The following EDN1 variants were observed in gnomAD, a reference collection of about 807,000 sequenced individuals.
EDN1 encodes the protein endothelin-1.
EDN1 carries 11 observed loss-of-function variants against 21.7 expected under a neutral mutation model. The observed-to-expected ratio is 0.51, with a 90% CI of 0.32 to 0.84. The LOEUF (loss-of-function observed/expected upper bound fraction) is 0.84, where lower values mean the gene tolerates loss of function less well. EDN1 is among the 40% of genes least tolerant of loss of function. The pLI is 0.03. For missense variants in EDN1, 244 were observed against 262.3 expected (o/e 0.93, Z 0.48); for synonymous variants, 85 against 90.6 (o/e 0.94, Z 0.35).
intron 4 of EDN1, among the ~76,000 whole-genome samples, chr6:12,295,223 A>C (rs957290247): frequency 2.6e-5 from 4 of 152,202 alleles, no homozygotes; most frequent in Non-Finnish European, 4.4e-5. Flanking sequence ...TTCTATGATT[A>C]AAGTGTTCTG....
At chr6:12,278,461 G>C in the EDN1 span, among the ~76,000 whole-genome samples, 3,050 of 152,134 alleles carry the variant, frequency 0.02, 96 homozygotes, top group African/African-American at 0.07. Context: ...CCATCCTGAG[G>C]GTCCTTGAGG....
chr6:12,288,258 G>A (rs949759189), upstream of EDN1, among the ~76,000 whole-genome samples: 3 of 152,150 alleles, frequency 2.0e-5, no homozygotes, highest in African/African-American at 4.8e-5. Flanking sequence ...AAAAAGTAGG[G>A]GGAGTCCCTG....
chr6:12,238,460 G>A, the EDN1 span, among the ~76,000 whole-genome samples: 8 of 152,324 alleles, frequency 5.3e-5, 1 homozygote, highest in South Asian at 1.7e-3. Flanking sequence ...AGGACAGGAA[G>A]AGCCACAGAC....
chr6:12,253,171 T>A, the EDN1 span, among the ~76,000 whole-genome samples: 1 of 152,192 alleles, frequency 6.6e-6, no homozygotes, highest in African/African-American at 2.4e-5. Context: ...AGAGCTTAAA[T>A]TGAGTTAGAA....
Position 12,290,611 on chromosome 6 carries a change from T to C in EDN1, c.-19T>C. ...TGGGTTCAGTTTGAACGGGAGGTTTTTGATCCCTTTTTTTCAGAATGGATT... is the reference window on the plus strand; with the variant it reads ...TGGGTTCAGTTTGAACGGGAGGTTTCTGATCCCTTTTTTTCAGAATGGATT... On this transcript the variant is annotated 5_prime_UTR_variant, in exon 1 of 5. Transcript: ENST00000379375. The C allele has an allele frequency of 6.2e-7, 1 of 1,613,454 alleles. No homozygotes were observed.
At chr6:12,255,265 C>T in the EDN1 span, among the ~76,000 whole-genome samples, 1 of 152,082 alleles carries the variant, frequency 6.6e-6, no homozygotes, top group African/African-American at 2.4e-5. Flanking sequence ...TCCACCACAT[C>T]CAAGTAGGGT....
chr6:12,245,840 G>C, the EDN1 span, among the ~76,000 whole-genome samples: 2 of 152,104 alleles, frequency 1.3e-5, no homozygotes, highest in Non-Finnish European at 2.9e-5. Flanking sequence ...GGTGGGGAGG[G>C]ACAATCAGCT....
rs1006267700 is a variant in EDN1, at chr6:12,296,132, C to G, written c.*65C>G. On this transcript the variant is annotated 3_prime_UTR_variant, in exon 5 of 5. Transcript: ENST00000379375. The stretch of plus-strand genomic sequence containing the variant: ...AGAGCCCTGTGGCCGACTCTGCACT[C>G]TCCACCCTGGCTGGGATCAGAGCAG... 7.1e-7 allele frequency: 1 copy of G among 1,412,884 alleles called. No individual in the cohort carries two copies. The highest frequency in any genetic ancestry group is 1.4e-5 in the African/African-American group (1 of 71,080). 87.5% of individuals were successfully genotyped at this position (1,412,884 alleles called of 1,614,324 possible). A position where few individuals can be genotyped will look rare whatever the true frequency, so the allele number is the denominator to read the frequency against.
chr6:12,282,439 C>T, the EDN1 span, among the ~76,000 whole-genome samples: 1 of 152,194 alleles, frequency 6.6e-6, no homozygotes, highest in South Asian at 2.1e-4. Context: ...ATCCTTTCCA[C>T]TTTGTAGCAA....
chr6:12,275,240 C>T, the EDN1 span, among the ~76,000 whole-genome samples: 2 of 152,208 alleles, frequency 1.3e-5, no homozygotes, highest in Non-Finnish European at 2.9e-5. Flanking sequence ...GCTCTTCCCT[C>T]ATAGACATGC....
the EDN1 span, among the ~76,000 whole-genome samples, chr6:12,253,834 T>G: frequency 3.9e-5 from 6 of 152,174 alleles, no homozygotes; most frequent in East Asian, 1.2e-3. Flanking sequence ...CTGGGCATCA[T>G]TCTTTACTCC....
chr6:12,279,013 CA>C, the EDN1 span, among the ~76,000 whole-genome samples: 4 of 152,178 alleles, frequency 2.6e-5, no homozygotes, highest in Non-Finnish European at 5.9e-5. Flanking sequence ...TTTATATTTT[CA>C]TCTCCCCTCC....
chr6:12,273,308 G>A, the EDN1 span, among the ~76,000 whole-genome samples: 4 of 152,200 alleles, frequency 2.6e-5, no homozygotes, highest in South Asian at 4.1e-4. Context: ...TCATGGAACC[G>A]CAGGTAGGTA....
At chr6:12,290,731 A>G (rs756466938) in intron 1 of EDN1, 38 bp downstream of exon 1, 2 of 1,562,592 alleles carry the variant, frequency 1.3e-6, no homozygotes, top group Non-Finnish European at 1.8e-6. Flanking sequence ...TCGGAATTAC[A>G]AGTTAGTGTG....
At chr6:12,271,678 A>G in the EDN1 span, among the ~76,000 whole-genome samples, 2 of 152,210 alleles carry the variant, frequency 1.3e-5, no homozygotes, top group Admixed American at 6.5e-5. Context: ...TTAGACTTTC[A>G]TATGTTTTAT....
the EDN1 span, among the ~76,000 whole-genome samples, chr6:12,235,622 C>T: frequency 1.3e-5 from 2 of 152,178 alleles, no homozygotes; most frequent in Non-Finnish European, 1.5e-5. Context: ...GAATTTCTTA[C>T]TTGAGATCGC....
At position 12,294,257 on chromosome 6, in the gene EDN1, A is replaced by G. The variant is rs201765566; in HGVS notation, c.390-4A>G. On this transcript the variant is annotated splice_region_variant and splice_polypyrimidine_tract_variant and intron_variant, in intron 3 of 4. Transcript: ENST00000379375. ...GAAATGTTTTTCCTTGTGTATTTTA[A>G]CAGGGCTGAAGACATTATGGAGAAA... The G allele has an allele frequency of 7.4e-6, 12 of 1,614,202 alleles. No homozygotes were observed. Among genetic ancestry groups the G allele is most frequent in the Non-Finnish European group, 1.0e-5 (12 of 1,180,024 alleles).
chr6:12,254,292 G>A, the EDN1 span, among the ~76,000 whole-genome samples: 1 of 152,066 alleles, frequency 6.6e-6, no homozygotes, highest in African/African-American at 2.4e-5. Flanking sequence ...CCTGGTACCC[G>A]CTCTTCTTCC....
At chr6:12,262,107 T>G in the EDN1 span, among the ~76,000 whole-genome samples, 1 of 152,222 alleles carries the variant, frequency 6.6e-6, no homozygotes, top group Non-Finnish European at 1.5e-5. Context: ...CTAATTGCCA[T>G]AGGCCTATCA....
Sources: gnomAD v4.1 joint callset for allele counts (sites outside exome capture counted in the v4.1 genomes callset) on GRCh38, gnomAD v4.1.1 for gene constraint, MANE v1.5 for transcripts, NCBI Gene and HGNC (gene_info 2026-07-23, HGNC 2026-07-21) for gene names.